PRRG4: variants seen among roughly 807,000 people sequenced by gnomAD.
PRRG4 encodes the protein proline rich and Gla domain 4.
Under a neutral mutation model 20.0 loss-of-function variants are expected in PRRG4, and 12 were observed. The observed-to-expected ratio is 0.60, with a 90% CI of 0.38 to 0.97. The LOEUF (loss-of-function observed/expected upper bound fraction) is 0.97. PRRG4 is among the 50% of genes least tolerant of loss of function. The pLI, the probability that PRRG4 is intolerant of heterozygous loss-of-function variation, is 0.00. For synonymous variants in PRRG4, 94 were observed against 96.4 expected (o/e 0.98, Z 0.15); for missense variants, 199 against 265.1 (o/e 0.75, Z 1.73).
intron 2 of PRRG4, among the ~76,000 whole-genome samples, chr11:32,833,604 T>C (rs1361751976): frequency 6.6e-6 from 1 of 152,260 alleles, no homozygotes; most frequent in Non-Finnish European, 1.5e-5. Flanking sequence ...TCAATAGTTT[T>C]ATACTTTAAA....
intron 4 of PRRG4, 134 bp downstream of exon 4, chr11:32,839,064 G>T (rs952514988): frequency 4.8e-6 from 3 of 631,278 alleles, no homozygotes; most frequent in Non-Finnish European, 8.5e-6. Context: ...TCTCAACTAT[G>T]CACCGGGCTA....
rs1225636287 is a variant in PRRG4, at chr11:32,835,680, G to A, written c.104-978G>A. On this transcript the variant is annotated intron_variant, in intron 2 of 5. Coordinates refer to ENST00000257836, the MANE Select transcript of PRRG4 (RefSeq NM_024081.6). ...TACCGTAGAGGGAGCTGCTACTTTG[G>A]AAAGGACTAAATGTCTTTAGTTAAA... Among the ~76,000 whole-genome samples, 2 of 152,190 alleles carry A rather than the reference G, an allele frequency of 1.3e-5. 1 individual carries two copies. Among genetic ancestry groups the A allele is most frequent in the East Asian group, 3.8e-4 (2 of 5,204 alleles).
At chr11:32,848,971 T>TAAA (rs1554974458) in intron 5 of PRRG4, among the ~76,000 whole-genome samples, 56,363 of 119,782 alleles carry the variant, frequency 0.47, 11,039 homozygotes, top group East Asian at 0.6. Context: ...GACTCTGTCT[T>TAAA]AAAAAAAAAA....
intron 1 of PRRG4, 65 bp downstream of exon 1, chr11:32,830,238 A>G: frequency 9.4e-7 from 1 of 1,065,498 alleles, no homozygotes; most frequent in East Asian, 4.4e-5. Context: ...ACCTCGGCGG[A>G]CTGGGTTGGA....
intron 5 of PRRG4, among the ~76,000 whole-genome samples, chr11:32,852,326 C>T (rs534666225): frequency 6.6e-6 from 1 of 152,272 alleles, no homozygotes; most frequent in East Asian, 1.9e-4. Context: ...GAACTTGACT[C>T]AGCTGGAAGT....
rs531499528 is a variant in PRRG4, at chr11:32,857,548, G to C, written c.*4021G>C. 1.3e-5 allele frequency: 2 copies of C among 152,128 alleles called. No homozygotes were observed. The highest frequency in any genetic ancestry group is 1.9e-4 in the East Asian group (1 of 5,202). The allele number at this position is 152,128 out of a possible 1,614,324, so 9.4% of individuals were successfully genotyped here. Reference sequence around the variant, plus strand: ...GAGCAACAGTGTCCTCCATGTCTTAGGTTTCAAGTTTGCCTCTAAAATTCT... The same window carrying C: ...GAGCAACAGTGTCCTCCATGTCTTACGTTTCAAGTTTGCCTCTAAAATTCT... On this transcript the variant is annotated 3_prime_UTR_variant, in exon 6 of 6. Transcript: ENST00000257836.
rs137945513 is a variant in PRRG4, at chr11:32,832,774, C to T, written c.103+2142C>T. On this transcript the variant is annotated intron_variant, in intron 2 of 5. Transcript: ENST00000257836. ...CTGGGATTACAGGCGTGAGCTACCGCGCCTGGCCCTAAAATCTGATAAAGC... is the reference window on the plus strand; with the variant it reads ...CTGGGATTACAGGCGTGAGCTACCGTGCCTGGCCCTAAAATCTGATAAAGC... Among the ~76,000 whole-genome samples, 534 of 152,224 alleles carry T rather than the reference C, an allele frequency of 3.5e-3. 6 individuals carry two copies. The highest frequency in any genetic ancestry group is 0.012 in the African/African-American group (514 of 41,554).
chr11:32,853,879 G>A lies in PRRG4; in HGVS notation c.*352G>A, dbSNP rs1851206771. ...GAAAAGAAGAAGAAAAGAGAAGAAG[G>A]AGAAGGAGATGAAGGAGGAGGAGGA... On this transcript the variant is annotated 3_prime_UTR_variant, in exon 6 of 6. Transcript: ENST00000257836. The A allele has an allele frequency of 1.7e-5, 3 of 179,906 alleles. No individual in the cohort carries two copies. The highest frequency in any genetic ancestry group is 5.6e-5 in the Admixed American group (1 of 18,000). 11.1% of individuals were successfully genotyped at this position (179,906 alleles called of 1,614,324 possible). A position where few individuals can be genotyped will look rare whatever the true frequency, so the allele number is the denominator to read the frequency against.
intron 2 of PRRG4, among the ~76,000 whole-genome samples, chr11:32,832,007 C>CAAAT (rs150086015): frequency 0.06 from 9,171 of 151,732 alleles, 350 homozygotes; most frequent in Non-Finnish European, 0.089. Flanking sequence ...AAAATAAAAG[C>CAAAT]AAATAAATAA....
At position 32,853,407 on chromosome 11, in the gene PRRG4, T is replaced by C; in HGVS notation, c.561T>C (p.Pro187=). ...CTTCTGTGGAGGATGCAGGATTACC[T>C]TCTTATGAACAGGCAGTGGCGCTGA... ...LPPSVEDAGL[P]SYEQAVALTR... is the part of the protein sequence containing the mutation. The change falls in exon 6 of 6, where the codon CCT becomes CCC. Residue 187 remains proline, a synonymous_variant. Transcript: ENST00000257836. 3.1e-6 allele frequency: 5 copies of C among 1,614,146 alleles called. No homozygotes were observed. Among genetic ancestry groups the C allele is most frequent in the African/African-American group, 2.7e-5 (2 of 75,020 alleles).
intron 5 of PRRG4, among the ~76,000 whole-genome samples, chr11:32,847,576 G>T (rs1415488599): frequency 6.6e-6 from 1 of 152,132 alleles, no homozygotes; most frequent in African/African-American, 2.4e-5. Flanking sequence ...CAGCCACTGT[G>T]GAAAAGTTTG....
intron 5 of PRRG4, among the ~76,000 whole-genome samples, chr11:32,852,284 A>G (rs558121936): frequency 6.6e-6 from 1 of 152,348 alleles, no homozygotes; most frequent in Admixed American, 6.5e-5. Flanking sequence ...GGCTGCAGTA[A>G]GAGAGGCTTT....
Position 32,856,559 on chromosome 11 carries a change from C to T in PRRG4, c.*3032C>T, listed in dbSNP as rs1416224160. 6.6e-6 allele frequency: 1 copy of T among 152,066 alleles called. No homozygotes were observed. Among genetic ancestry groups the T allele is most frequent in the Non-Finnish European group, 1.5e-5 (1 of 68,000 alleles). The allele number at this position is 152,066 out of a possible 1,614,324, so 9.4% of individuals were successfully genotyped here. ...GTAGATTTAGTTTTGTTTGGTTTAT[C>T]TGTTTTGTTTGTGTTTTGTCTCCTG... On this transcript the variant is annotated 3_prime_UTR_variant, in exon 6 of 6. Coordinates refer to ENST00000257836, the MANE Select transcript of PRRG4 (RefSeq NM_024081.6).
At position 32,854,793 on chromosome 11, in the gene PRRG4, G is replaced by A. The variant is rs1414852407; in HGVS notation, c.*1266G>A. ...GTCATGTTTTATTATAGGTAGTGGGGTCAGTAGTTTTCTTCTTCTAAAAAA... is the reference window on the plus strand; with the variant it reads ...GTCATGTTTTATTATAGGTAGTGGGATCAGTAGTTTTCTTCTTCTAAAAAA... On this transcript the variant is annotated 3_prime_UTR_variant, in exon 6 of 6. Transcript: ENST00000257836. The A allele has an allele frequency of 6.6e-6, 1 of 152,068 alleles. No homozygotes were observed. The highest frequency in any genetic ancestry group is 2.4e-5 in the African/African-American group (1 of 41,404). 9.4% of individuals were successfully genotyped at this position (152,068 alleles called of 1,614,324 possible).
At chr11:32,832,309 G>A (rs1565112376) in intron 2 of PRRG4, among the ~76,000 whole-genome samples, 2 of 152,160 alleles carry the variant, frequency 1.3e-5, no homozygotes, top group Admixed American at 1.3e-4. Flanking sequence ...TCCATCAACT[G>A]TATAACAGAA....
Position 32,830,473 on chromosome 11 carries a change from CT to C in PRRG4, c.-22-25del, listed in dbSNP as rs759621045. ...AAACTCAAAGTGCTGAGCTAGGGGC[CT>C]TTTTTTTTTAATATTTTTTTTTGTT... On this transcript the variant is annotated intron_variant, in intron 1 of 5. Coordinates refer to ENST00000257836, the MANE Select transcript of PRRG4 (RefSeq NM_024081.6). The C allele has an allele frequency of 6.3e-3, 7,342 of 1,158,876 alleles. 1 individual carries two copies. The highest frequency in any genetic ancestry group is 9.5e-3 in the South Asian group (511 of 53,588). The allele number at this position is 1,158,876 out of a possible 1,614,324, so 71.8% of individuals were successfully genotyped here.
chr11:32,831,776 T>C (rs1390291341), intron 2 of PRRG4, among the ~76,000 whole-genome samples: 3 of 152,006 alleles, frequency 2.0e-5, no homozygotes, highest in African/African-American at 7.3e-5. Flanking sequence ...ATCCTAGCAC[T>C]TTGGGAGGCC....
Position 32,840,260 on chromosome 11 carries a change from T to C in PRRG4, c.449+21T>C. On this transcript the variant is annotated intron_variant, in intron 5 of 5. Coordinates refer to ENST00000257836, the MANE Select transcript of PRRG4 (RefSeq NM_024081.6). The surrounding 1 kb of genome is among the most constrained non-coding windows in gnomAD (Gnocchi z 4.1). ...CCATGGTAAGTACTAAGTGAAATTA[T>C]TTAATTCATCACTAGACATTCTATA... The C allele has an allele frequency of 6.6e-7, 1 of 1,525,306 alleles. No homozygotes were observed. The highest frequency in any genetic ancestry group is 1.7e-4 in the Middle Eastern group (1 of 5,862). The allele number at this position is 1,525,306 out of a possible 1,614,324, so 94.5% of individuals were successfully genotyped here.
At chr11:32,837,544 T>TGATGATG (rs1565113910) in intron 3 of PRRG4, among the ~76,000 whole-genome samples, 52 of 81,278 alleles carry the variant, frequency 6.4e-4, no homozygotes, top group African/African-American at 1.5e-3. Flanking sequence ...TGATGATGAT[T>TGATGATG]ATTATTATTA....
Sources: gnomAD v4.1 joint callset for allele counts (sites outside exome capture counted in the v4.1 genomes callset) on GRCh38, gnomAD v4.1.1 for gene constraint, Gnocchi (gnomAD v3.1) non-coding constraint, MANE v1.5 for transcripts, NCBI Gene and HGNC (gene_info 2026-07-23, HGNC 2026-07-21) for gene names.